Variants in TRO observed in about 807,000 individuals in gnomAD.
TRO encodes the protein MAGE superfamily protein.
A neutral mutation model predicts 42.3 loss-of-function variants in TRO; 29 were observed. The ratio of observed to expected loss-of-function variants is 0.68; its 90% CI spans 0.51 to 0.93. The LOEUF (loss-of-function observed/expected upper bound fraction) is 0.93, where lower values mean the gene tolerates loss of function less well. Ranked by LOEUF, TRO falls within the 40% of genes least tolerant of loss-of-function variation. The pLI, the probability that TRO is intolerant of heterozygous loss-of-function variation, is 0.00. For missense variants in TRO, 963 were observed against 1,127.7 expected, an observed-to-expected ratio of 0.85 and a Z score of 2.09; for synonymous variants, 384 against 425.2, an observed-to-expected ratio of 0.90 and a Z score of 1.19.
Position 54,928,590 on chromosome X carries a change from A to G in TRO, c.1879-13A>G. The G allele has an allele frequency of 7.0e-6, 8 of 1,140,955 alleles. No individual in the cohort carries two copies. Among genetic ancestry groups the G allele is most frequent in the Non-Finnish European group, 9.3e-6 (8 of 862,337 alleles). 94.0% of individuals were successfully genotyped at this position (1,140,955 alleles called of 1,213,427 possible). A position where few individuals can be genotyped will look rare whatever the true frequency, so the allele number is the denominator to read the frequency against. On this transcript the variant is annotated splice_polypyrimidine_tract_variant and intron_variant, in intron 11 of 12. Transcript: ENST00000173898. ...GGGTTGTTTTCTTATTATGATTATCATCCCCATTTCAGGTGCAGAAGAAAG... is the reference window on the plus strand; with the variant it reads ...GGGTTGTTTTCTTATTATGATTATCGTCCCCATTTCAGGTGCAGAAGAAAG...
At chrX:54,925,489 A>C (rs1932635927) in intron 6 of TRO, 103 bp from the exon 7 acceptor site, 1 of 659,506 alleles carries the variant, frequency 1.5e-6, no homozygotes, top group East Asian at 3.5e-5. Flanking sequence ...CTTCTTACAC[A>C]TGCAGACCCC....
chrX:54,926,671 G>T, intron 9 of TRO, 46 bp downstream of exon 9: 1 of 1,209,541 alleles, frequency 8.3e-7, no homozygotes, highest in Non-Finnish European at 1.1e-6. Context: ...TTGTCCTTTG[G>T]CAAGAGAGGA....
At chrX:54,931,164 A>G in intron 12 of TRO, 40 bp from the exon 13 acceptor site, 1 of 1,207,044 alleles carries the variant, frequency 8.3e-7, no homozygotes. Context: ...AAGACAGTGT[A>G]TTTGGTGCTA....
intron 1 of TRO, 153 bp downstream of exon 1, chrX:54,921,031 G>A (rs1298176883): frequency 9.0e-6 from 1 of 111,305 alleles, no homozygotes; most frequent in Non-Finnish European, 1.9e-5. Context: ...GCGGTGCCTG[G>A]ACCCAGTTCG....
intron 5 of TRO, 46 bp downstream of exon 5, chrX:54,924,779 C>T (rs781295681): frequency 2.6e-6 from 3 of 1,150,884 alleles, no homozygotes; most frequent in African/African-American, 3.6e-5. Context: ...TCTCCACTCC[C>T]CTCTCCTCCC....
In TRO at chrX:54,929,230, A is replaced by G; in HGVS notation, c.2506A>G (p.Ser836Gly). The change falls in exon 12 of 13, where the codon AGC becomes GGC. Residue 836 changes from serine to glycine, a missense_variant. Ser to Gly is a moderately conservative substitution (Grantham distance 56). This residue lies in a region of TRO where 641 missense variants were observed against 811.3 expected (regional missense o/e 0.79). Coordinates refer to ENST00000173898, the MANE Select transcript of TRO (RefSeq NM_001039705.3). ...GVSSSFSGPL[S>G]TSATFSGGAS... ...CAGCTCTAGTTTTAGTGGCCCACTCAGCACCAGTGCCACTTTCAGTGGTGG... is the reference window on the plus strand; with the variant it reads ...CAGCTCTAGTTTTAGTGGCCCACTCGGCACCAGTGCCACTTTCAGTGGTGG... 1 of 1,212,285 alleles carries G rather than the reference A, an allele frequency of 8.2e-7. No homozygotes were observed. The highest frequency in any genetic ancestry group is 1.1e-6 in the Non-Finnish European group (1 of 895,591).
rs765420328 is a variant in TRO, at chrX:54,923,220, C to G, written c.688C>G (p.His230Asp). 1.7e-6 allele frequency: 2 copies of G among 1,209,794 alleles called. No individual in the cohort carries two copies. The highest frequency in any genetic ancestry group is 3.5e-5 in the African/African-American group (2 of 57,055). Reference protein sequence around the residue: ...TEVSLAATATHTATTQGQITN... With the variant: ...TEVSLAATATDTATTQGQITN... ...GGTCTCGCTGGCTGCAACTGCCACC[C>G]ATACAGCTACCACCCAAGGCCAAAT... Residue 230 changes from histidine (H) to aspartate (D), a missense_variant, in exon 3 of 13, where the codon CAT (histidine) becomes GAT (aspartate). Physicochemically the swap from His to Asp is moderately conservative, Grantham distance 81. Coordinates refer to ENST00000173898, the MANE Select transcript of TRO (RefSeq NM_001039705.3).
At chrX:54,931,178 T>C (rs767959722) in intron 12 of TRO, 26 bp from the exon 13 acceptor site, 10 of 1,207,677 alleles carry the variant, frequency 8.3e-6, no homozygotes, top group South Asian at 1.8e-5. Context: ...GGTGCTAAAA[T>C]GTGTTCCTAT....
At chrX:54,924,350 G>C in intron 3 of TRO, 101 bp from the exon 4 acceptor site, 1 of 761,457 alleles carries the variant, frequency 1.3e-6, no homozygotes, top group South Asian at 2.8e-5. Context: ...GGCTGAGGGA[G>C]GGGGTTAGAG....
At chrX:54,928,544 T>C in intron 11 of TRO, 59 bp from the exon 12 acceptor site, 1 of 1,116,190 alleles carries the variant, frequency 9.0e-7, no homozygotes, top group Non-Finnish European at 1.2e-6. Context: ...ACAAAGCCCG[T>C]AGGTTAATAC....
In TRO at chrX:54,930,234, T is replaced by C. The variant is rs1330765623; in HGVS notation, c.3510T>C (p.Gly1170=). 2.1e-5 allele frequency: 26 copies of C among 1,210,983 alleles called. No homozygotes were observed. Among genetic ancestry groups the C allele is most frequent in the Non-Finnish European group, 2.9e-5 (26 of 895,384 alleles). Residue 1170 remains glycine, a synonymous_variant, in exon 12 of 13, where the codon GGT becomes GGC. Coordinates refer to ENST00000173898, the MANE Select transcript of TRO (RefSeq NM_001039705.3). ...GSASNTNLCF[G]GPPSTSACFS... ...CATCTAATACTAACCTATGCTTTGG[T>C]GGCCCTCCTAGCACCAGTGCCTGCT... is the stretch of plus-strand genomic sequence containing the variant.
At chrX:54,922,133 G>A in intron 1 of TRO, 70 bp from the exon 2 acceptor site, 1 of 862,906 alleles carries the variant, frequency 1.2e-6, no homozygotes, top group Non-Finnish European at 1.6e-6. Flanking sequence ...AAGGTTACAT[G>A]AGACTCCCCT....
chrX:54,924,391 G>C (rs1341631019), intron 3 of TRO, 60 bp from the exon 4 acceptor site: 21 of 1,037,011 alleles, frequency 2.0e-5, no homozygotes, highest in Middle Eastern at 3.1e-4. Context: ...GCAAGGTGAG[G>C]AGACAGAGCC....
chrX:54,922,323 C>G (rs1569545990), intron 2 of TRO, 32 bp downstream of exon 2: 1 of 1,191,493 alleles, frequency 8.4e-7, no homozygotes, highest in Admixed American at 2.2e-5. Flanking sequence ...TCTAGGCCAT[C>G]TGCCCCATCC....
In TRO at chrX:54,923,225, A is replaced by G. The variant is rs750482478; in HGVS notation, c.693A>G (p.Thr231=). Residue 231 remains threonine, a synonymous_variant, in exon 3 of 13, where the codon ACA becomes ACG. Transcript: ENST00000173898. Reference sequence around the variant, plus strand: ...CGCTGGCTGCAACTGCCACCCATACAGCTACCACCCAAGGCCAAATTACCA... The same window carrying G: ...CGCTGGCTGCAACTGCCACCCATACGGCTACCACCCAAGGCCAAATTACCA... The part of the protein sequence containing the change: ...EVSLAATATH[T]ATTQGQITNE... The G allele has an allele frequency of 1.7e-6, 2 of 1,211,736 alleles. No individual in the cohort carries two copies. Among genetic ancestry groups the G allele is most frequent in the South Asian group, 1.8e-5 (1 of 56,956 alleles).
chrX:54,923,962 A>G, intron 3 of TRO, 194 bp downstream of exon 3: 1 of 456,837 alleles, frequency 2.2e-6, no homozygotes, highest in South Asian at 3.7e-5. Context: ...GAAATAAGAC[A>G]TCCATACACT....
chrX:54,926,681 A>G (rs1191713936), intron 9 of TRO, 56 bp downstream of exon 9: 79 of 1,205,535 alleles, frequency 6.6e-5, no homozygotes, highest in Non-Finnish European at 8.6e-5. Context: ...GCAAGAGAGG[A>G]TGGTCCTAGG....
Position 54,931,267 on chromosome X carries a change from G to A in TRO, c.*75G>A, listed in dbSNP as rs752957597. ...CAGTAGTCCTTCCCATGGAGCCAAA[G>A]TACATCCTTGGAATCTTTGTCCACA... On this transcript the variant is annotated 3_prime_UTR_variant, in exon 13 of 13. Transcript: ENST00000173898. 2.5e-6 allele frequency: 3 copies of A among 1,210,543 alleles called. No individual in the cohort carries two copies. The highest frequency in any genetic ancestry group is 5.9e-5 in the East Asian group (2 of 33,799).
chrX:54,929,870 TTGGTGG>T lies in TRO; in HGVS notation c.3147_3152del (p.Gly1050_Gly1051del), dbSNP rs1443876963. The stretch of plus-strand genomic sequence containing the variant: ...GGTACACTAAGCACCAGCGTCTGTT[TTGGTGG>T]CTCTCCCAGCACCAGTGCTGGCTTT... On this transcript the variant is annotated inframe_deletion, in exon 12 of 13. Coordinates refer to ENST00000173898, the MANE Select transcript of TRO (RefSeq NM_001039705.3). 8.3e-7 allele frequency: 1 copy of T among 1,211,631 alleles called. No individual in the cohort carries two copies. Among genetic ancestry groups the T allele is most frequent in the Non-Finnish European group, 1.1e-6 (1 of 895,382 alleles).
Sources: gnomAD v4.1 joint callset for allele counts on GRCh38, gnomAD v4.1.1 for gene constraint, gnomAD v4.1.1 regional missense constraint, MANE v1.5 for transcripts, NCBI Gene and HGNC (gene_info 2026-07-23, HGNC 2026-07-21) for gene names.